The following MTF2 variants were observed in gnomAD, a reference collection of about 807,000 sequenced individuals.
MTF2 encodes metal-response element-binding transcription factor 2.
In MTF2, 11 loss-of-function variants were observed where a neutral mutation model predicts 79.5. The ratio of observed to expected loss-of-function variants is 0.14; its 90% CI spans 0.09 to 0.23. The LOEUF (loss-of-function observed/expected upper bound fraction) is 0.23. MTF2 is among the 10% of genes least tolerant of loss of function. The pLI is 1.00. For synonymous variants in MTF2, 208 were observed against 232.8 expected (o/e 0.89, Z 0.97); for missense variants, 486 against 711.2 (o/e 0.68, Z 3.60).
chr1:93,124,383 T>C (rs1656609286), intron 9 of MTF2, among the ~76,000 whole-genome samples: 1 of 152,084 alleles, frequency 6.6e-6, no homozygotes, highest in African/African-American at 2.4e-5. Flanking sequence ...TATTAGTACT[T>C]TTTGTAATCG....
Position 93,139,040 on chromosome 1 carries a change from A to G in MTF2, c.*2013A>G, listed in dbSNP as rs1363490780. ...TTGGAATTGCTTTACTTAGAAATTAAAACAGACCAACATTAAATGTGTGTA... is the reference window on the plus strand; with the variant it reads ...TTGGAATTGCTTTACTTAGAAATTAGAACAGACCAACATTAAATGTGTGTA... On this transcript the variant is annotated 3_prime_UTR_variant, in exon 15 of 15. Coordinates refer to ENST00000370298, the MANE Select transcript of MTF2 (RefSeq NM_007358.4). 6.6e-6 allele frequency: 1 copy of G among 152,242 alleles called. No individual in the cohort carries two copies. The highest frequency in any genetic ancestry group is 1.5e-5 in the Non-Finnish European group (1 of 68,036). 9.4% of individuals were successfully genotyped at this position (152,242 alleles called of 1,614,324 possible). A position where few individuals can be genotyped will look rare whatever the true frequency, so the allele number is the denominator to read the frequency against.
In MTF2 at chr1:93,136,655, T is replaced by C. The variant is rs755755313; in HGVS notation, c.1425-15T>C. 1 of 1,600,946 alleles carries C rather than the reference T, an allele frequency of 6.2e-7. No individual in the cohort carries two copies. The highest frequency in any genetic ancestry group is 8.5e-7 in the Non-Finnish European group (1 of 1,173,842). ...AAAAGCTCAGTAGACAATTCTGGCC[T>C]TCTCTGTTACATAGATTATCTGACT... On this transcript the variant is annotated splice_polypyrimidine_tract_variant and intron_variant, in intron 14 of 14. Coordinates refer to ENST00000370298, the MANE Select transcript of MTF2 (RefSeq NM_007358.4).
At chr1:93,113,216 CAAAAAAA>C (rs34291057) in intron 3 of MTF2, among the ~76,000 whole-genome samples, 1 of 107,010 alleles carries the variant, frequency 9.3e-6, no homozygotes, top group African/African-American at 3.5e-5. Flanking sequence ...CCTGTCGCTA[CAAAAAAA>C]AAAAAAAAAA....
chr1:93,119,604 G>A lies in MTF2; in HGVS notation c.797+203G>A, dbSNP rs1051077505. On this transcript the variant is annotated intron_variant, in intron 8 of 14. Coordinates refer to ENST00000370298, the MANE Select transcript of MTF2 (RefSeq NM_007358.4). ...TGCTAAATTAATAAGGCTGTTCAGTGTTGAATGTTATAAATGAAACTTTCA... is the reference window on the plus strand; with the variant it reads ...TGCTAAATTAATAAGGCTGTTCAGTATTGAATGTTATAAATGAAACTTTCA... The A allele has an allele frequency of 9.7e-5, 46 of 476,626 alleles. 1 individual carries two copies. Among genetic ancestry groups the A allele is most frequent in the South Asian group, 3.3e-4 (8 of 24,562 alleles). 29.5% of individuals were successfully genotyped at this position (476,626 alleles called of 1,614,324 possible). A position where few individuals can be genotyped will look rare whatever the true frequency, so the allele number is the denominator to read the frequency against.
At chr1:93,134,392 A>G in intron 14 of MTF2, 197 bp downstream of exon 14, 4 of 533,642 alleles carry the variant, frequency 7.5e-6, no homozygotes, top group Non-Finnish European at 9.8e-6. Context: ...TAGAGTACAA[A>G]TGTATTTTTC....
chr1:93,121,517 G>C, intron 9 of MTF2: 1 of 984,852 alleles, frequency 1.0e-6, no homozygotes, highest in Non-Finnish European at 1.2e-6. Flanking sequence ...TTGATTTGTA[G>C]CTTTGAGACA....
chr1:93,081,515 C>G (rs980660874), intron 1 of MTF2, among the ~76,000 whole-genome samples: 1 of 152,096 alleles, frequency 6.6e-6, no homozygotes, highest in Admixed American at 6.5e-5. Context: ...TTTAGTTAGT[C>G]GACACTTCCA....
chr1:93,130,704 G>C (rs1319600581), intron 11 of MTF2, among the ~76,000 whole-genome samples: 1 of 152,136 alleles, frequency 6.6e-6, no homozygotes, highest in East Asian at 1.9e-4. Context: ...CTTGTGCAGA[G>C]GTAGGTGGTA....
At chr1:93,121,128 T>G in intron 9 of MTF2, 1 of 983,886 alleles carries the variant, frequency 1.0e-6, no homozygotes. Context: ...GTTAGAAAAA[T>G]GAGTTGTAGA....
chr1:93,108,410 C>T (rs1655894116), intron 1 of MTF2, among the ~76,000 whole-genome samples: 1 of 152,042 alleles, frequency 6.6e-6, no homozygotes, highest in African/African-American at 2.4e-5. Context: ...GTTTGTATTT[C>T]ACCTTCATTT....
At position 93,135,470 on chromosome 1, in the gene MTF2, C is replaced by T. The variant is rs534652856; in HGVS notation, c.1425-1200C>T. Among the ~76,000 whole-genome samples the T allele has an allele frequency of 1.6e-4, 24 of 152,170 alleles. 1 individual carries two copies. The South Asian group carries it at 4.8e-3, about 30-fold the overall frequency. ...CATTTATTAATGAATTCTGAATAATCGACTTTTTTGGGGCCTCTTACTAGA... is the reference window on the plus strand; with the variant it reads ...CATTTATTAATGAATTCTGAATAATTGACTTTTTTGGGGCCTCTTACTAGA... On this transcript the variant is annotated intron_variant, in intron 14 of 14. Transcript: ENST00000370298.
intron 8 of MTF2, chr1:93,119,748 A>G (rs1441962254): frequency 5.8e-6 from 1 of 172,758 alleles, no homozygotes; most frequent in Non-Finnish European, 1.2e-5. Context: ...CAATGTAGTA[A>G]TTCTTGTGTG....
chr1:93,105,852 T>A (rs1168559301), intron 1 of MTF2, among the ~76,000 whole-genome samples: 1 of 152,146 alleles, frequency 6.6e-6, no homozygotes, highest in Admixed American at 6.6e-5. Context: ...ATTTTTGTAT[T>A]TTAAGTAGAG....
chr1:93,080,648 C>T (rs1423887646), intron 1 of MTF2, among the ~76,000 whole-genome samples: 2 of 152,152 alleles, frequency 1.3e-5, no homozygotes, highest in East Asian at 1.9e-4. Context: ...GACTTCAGAA[C>T]CTCCGGTAGT....
rs554250859 is a variant in MTF2, at chr1:93,098,511, C to T, written c.6-11719C>T. 3.3e-5 allele frequency among the ~76,000 whole-genome samples: 5 copies of T among 152,252 alleles called. No individual in the cohort carries two copies. In the South Asian group the frequency reaches 1.0e-3, roughly 32 times the overall value. ...TGTATATTTGTTGAATGACCAGAGC[C>T]ATTGAGTTTAAATACAATAATCATG... On this transcript the variant is annotated intron_variant, in intron 1 of 14. Coordinates refer to ENST00000370298, the MANE Select transcript of MTF2 (RefSeq NM_007358.4).
At position 93,116,501 on chromosome 1, in the gene MTF2, AT is replaced by A. The variant is rs34058324; in HGVS notation, c.632+903del. ...TTGAACACTTAGAGGCCATTGTAAGATTTTTTTTTTTTTTTTTTTTGAGACA... is the reference window on the plus strand; with the variant it reads ...TTGAACACTTAGAGGCCATTGTAAGATTTTTTTTTTTTTTTTTTTGAGACA... On this transcript the variant is annotated intron_variant, in intron 6 of 14. Transcript: ENST00000370298. Among the ~76,000 whole-genome samples, 1,141 of 120,414 alleles carry A rather than the reference AT, an allele frequency of 9.5e-3. 6 individuals carry two copies. The highest frequency in any genetic ancestry group is 0.034 in the Middle Eastern group (8 of 232). The allele number at this position is 120,414 out of a possible 152,430, so 79.0% of individuals were successfully genotyped here.
At chr1:93,091,479 A>T (rs943584504) in intron 1 of MTF2, among the ~76,000 whole-genome samples, 4 of 152,192 alleles carry the variant, frequency 2.6e-5, no homozygotes, top group African/African-American at 4.8e-5. Flanking sequence ...TATAGGTGAC[A>T]GCCACTGTGC....
At chr1:93,094,767 C>G (rs1161443651) in intron 1 of MTF2, among the ~76,000 whole-genome samples, 1 of 152,180 alleles carries the variant, frequency 6.6e-6, no homozygotes, top group East Asian at 1.9e-4. Flanking sequence ...GTGCTCTTAG[C>G]AGCTACTGAT....
chr1:93,138,899 T>G lies in MTF2; in HGVS notation c.*1872T>G, dbSNP rs1346539276. ...CAGCAGTATTTTTAGAAATTTTTCT[T>G]TAACATACTTGGAAGATGATTTATC... On this transcript the variant is annotated 3_prime_UTR_variant, in exon 15 of 15. Coordinates refer to ENST00000370298, the MANE Select transcript of MTF2 (RefSeq NM_007358.4). The G allele has an allele frequency of 6.6e-6, 1 of 152,246 alleles. No homozygotes were observed. The highest frequency in any genetic ancestry group is 1.5e-5 in the Non-Finnish European group (1 of 68,030). 9.4% of individuals were successfully genotyped at this position (152,246 alleles called of 1,614,324 possible).
Sources: gnomAD v4.1 joint callset for allele counts (sites outside exome capture counted in the v4.1 genomes callset) on GRCh38, gnomAD v4.1.1 for gene constraint, MANE v1.5 for transcripts, NCBI Gene and HGNC (gene_info 2026-07-23, HGNC 2026-07-21) for gene names.